ANGPT1: variants seen among roughly 807,000 people sequenced by gnomAD.
ANGPT1 encodes the protein angiopoietin-1.
ANGPT1 carries 17 observed loss-of-function variants against 62.2 expected under a neutral mutation model. That is an observed-to-expected ratio of 0.27 (90% confidence interval 0.19 to 0.41). The LOEUF (loss-of-function observed/expected upper bound fraction) is 0.41. Ranked by LOEUF, ANGPT1 falls within the 10% of genes least tolerant of loss-of-function variation. The probability of loss-of-function intolerance (pLI) is 1.00; values close to 1 mark genes in which losing one functional copy is unlikely to be tolerated. For missense variants in ANGPT1, 478 were observed against 594.9 expected (o/e 0.80, Z 2.04); for synonymous variants, 199 against 198.9 (o/e 1.00, Z 0.00).
chr8:107,412,220 G>T (rs1349274071), intron 1 of ANGPT1, among the ~76,000 whole-genome samples: 1 of 152,096 alleles, frequency 6.6e-6, no homozygotes, highest in Non-Finnish European at 1.5e-5. Context: ...AAACATCTCA[G>T]TTAAAAGTGA....
At chr8:107,338,699 TG>T (rs1413663821) in intron 2 of ANGPT1, among the ~76,000 whole-genome samples, 1 of 152,206 alleles carries the variant, frequency 6.6e-6, no homozygotes, top group African/African-American at 2.4e-5. Context: ...AGTAGCTCAG[TG>T]GGGATAAATG....
rs1810608176 is a variant in ANGPT1 at position 107,412,305 on chromosome 8, A to G, written c.298-65208T>C. Among the ~76,000 whole-genome samples the G allele has an allele frequency of 2.6e-5, 4 of 152,278 alleles. No homozygotes were observed. The South Asian group carries it at 8.3e-4, about 32-fold the overall frequency. On this transcript the variant is annotated intron_variant, in intron 1 of 8. Transcript: ENST00000517746. ...ACTTTCATTAGGACTAATTGAACCA[A>G]TCAAGTCCCTGGCGATAGAGGAAGA...
intron 2 of ANGPT1, among the ~76,000 whole-genome samples, chr8:107,339,416 A>C (rs963708244): frequency 6.6e-6 from 1 of 152,096 alleles, no homozygotes; most frequent in Non-Finnish European, 1.5e-5. Flanking sequence ...AGCCAAATTC[A>C]TTCCAATCTT....
chr8:107,258,619 T>C (rs922711447), intron 8 of ANGPT1, among the ~76,000 whole-genome samples: 2 of 152,166 alleles, frequency 1.3e-5, no homozygotes, highest in Non-Finnish European at 1.5e-5. Context: ...TTCTAAGAAA[T>C]GAAACTTTGC....
At chr8:107,473,686 T>C (rs1812425596) in intron 1 of ANGPT1, among the ~76,000 whole-genome samples, 1 of 152,100 alleles carries the variant, frequency 6.6e-6, no homozygotes, top group Non-Finnish European at 1.5e-5. Context: ...TAAATATGTA[T>C]GTAACACTAA....
chr8:107,287,273 T>A (rs4595097), intron 6 of ANGPT1, among the ~76,000 whole-genome samples: 11 of 152,026 alleles, frequency 7.2e-5, no homozygotes, highest in African/African-American at 2.7e-4. Context: ...GCCTTAGAAA[T>A]GGACAAGCAT....
chr8:107,263,482 TTTG>T (rs1813544419), intron 8 of ANGPT1, among the ~76,000 whole-genome samples: 1 of 152,078 alleles, frequency 6.6e-6, no homozygotes, highest in African/African-American at 2.4e-5. Flanking sequence ...ATAAGGGTTT[TTTG>T]TTGTTGTTAT....
In ANGPT1 at chr8:107,291,593, A is replaced by T. The variant is rs576765923; in HGVS notation, c.1038+2343T>A. Among the ~76,000 whole-genome samples, 6 of 151,916 alleles carry T rather than the reference A, an allele frequency of 3.9e-5. No individual in the cohort carries two copies. The South Asian group carries it at 1.3e-3, about 32-fold the overall frequency. On this transcript the variant is annotated intron_variant, in intron 6 of 8. Transcript: ENST00000517746. ...CACCCGGCTAATTTTTTGTTGTTTT[A>T]GTAGAGACGGGGTTTCACCATATTG...
intron 4 of ANGPT1, among the ~76,000 whole-genome samples, chr8:107,311,090 GTA>G (rs1441154855): frequency 6.6e-6 from 1 of 151,832 alleles, no homozygotes; most frequent in Non-Finnish European, 1.5e-5. Context: ...ATCATTGAAA[GTA>G]TGTGTGTGTG....
At chr8:107,481,851 A>G (rs1439172733) in intron 1 of ANGPT1, among the ~76,000 whole-genome samples, 1 of 152,172 alleles carries the variant, frequency 6.6e-6, no homozygotes, top group Non-Finnish European at 1.5e-5. Context: ...TGAGAACAGC[A>G]TGGGAAAACT....
chr8:107,429,402 T>G (rs1295083154), intron 1 of ANGPT1, among the ~76,000 whole-genome samples: 1 of 152,164 alleles, frequency 6.6e-6, no homozygotes, highest in African/African-American at 2.4e-5. Flanking sequence ...ACTTCATCCT[T>G]AATGATCAAA....
rs114540225 is a variant in ANGPT1, at chr8:107,305,147, C to A, written c.809-1780G>T. Among the ~76,000 whole-genome samples, 206 of 151,988 alleles carry A rather than the reference C, an allele frequency of 1.4e-3. 1 individual carries two copies. Among genetic ancestry groups the A allele is most frequent in the African/African-American group, 4.8e-3 (199 of 41,488 alleles). ...AATTTTAAATCCCACCTACTGGATC[C>A]TTTATTCTGTTGGAAAGTTGAAAAT... On this transcript the variant is annotated intron_variant, in intron 4 of 8. Transcript: ENST00000517746.
At chr8:107,377,394 A>G (rs1458696211) in intron 1 of ANGPT1, among the ~76,000 whole-genome samples, 2 of 152,186 alleles carry the variant, frequency 1.3e-5, no homozygotes, top group Non-Finnish European at 2.9e-5. Context: ...TCCAAGTCAT[A>G]ATCCTGTCTG....
At chr8:107,457,724 C>T (rs1040831917) in intron 1 of ANGPT1, among the ~76,000 whole-genome samples, 4 of 151,640 alleles carry the variant, frequency 2.6e-5, no homozygotes, top group South Asian at 4.2e-4. Flanking sequence ...TTACCAGAAA[C>T]GAGTAGTTAG....
At chr8:107,365,508 T>C (rs1362580254) in intron 1 of ANGPT1, among the ~76,000 whole-genome samples, 2 of 152,298 alleles carry the variant, frequency 1.3e-5, no homozygotes, top group East Asian at 1.9e-4. Flanking sequence ...ACTCTCACCA[T>C]TAATGCATCT....
intron 3 of ANGPT1, among the ~76,000 whole-genome samples, chr8:107,330,548 G>A (rs952357097): frequency 1.5e-4 from 23 of 152,208 alleles, no homozygotes; most frequent in Middle Eastern, 6.8e-3. Flanking sequence ...TGGTTGAGAG[G>A]GAATTAATAG....
intron 1 of ANGPT1, among the ~76,000 whole-genome samples, chr8:107,379,765 A>T: frequency 6.6e-6 from 1 of 152,188 alleles, no homozygotes; most frequent in Admixed American, 6.5e-5. Flanking sequence ...GAGCAGGTGC[A>T]CTGAAGTATG....
Position 107,251,823 on chromosome 8 carries a change from T to C in ANGPT1, c.*32A>G, listed in dbSNP as rs1222898629. ...CTGGCAGCTTCTCCGGATTTCTTTGTTGCTTTCATAATCGCTTCTGACATT... is the reference window on the plus strand; with the variant it reads ...CTGGCAGCTTCTCCGGATTTCTTTGCTGCTTTCATAATCGCTTCTGACATT... On this transcript the variant is annotated 3_prime_UTR_variant, in exon 9 of 9. Coordinates refer to ENST00000517746, the MANE Select transcript of ANGPT1 (RefSeq NM_001146.5). 2 of 1,611,320 alleles carry C rather than the reference T, an allele frequency of 1.2e-6. No homozygotes were observed. Among genetic ancestry groups the C allele is most frequent in the Admixed American group, 1.7e-5 (1 of 59,662 alleles).
chr8:107,382,654 G>A (rs760401377), intron 1 of ANGPT1, among the ~76,000 whole-genome samples: 4 of 151,752 alleles, frequency 2.6e-5, no homozygotes, highest in South Asian at 2.1e-4. Flanking sequence ...AAAAAAAAAT[G>A]TGCATAATTG....
Sources: gnomAD v4.1 joint callset for allele counts (sites outside exome capture counted in the v4.1 genomes callset) on GRCh38, gnomAD v4.1.1 for gene constraint, MANE v1.5 for transcripts, NCBI Gene and HGNC (gene_info 2026-07-23, HGNC 2026-07-21) for gene names.